EGFR: variants seen among roughly 807,000 people sequenced by gnomAD.
EGFR encodes the protein avian erythroblastic leukemia viral (v-erb-b) oncogene homolog.
A neutral mutation model predicts 143.0 loss-of-function variants in EGFR; 58 were observed. That is an observed-to-expected ratio of 0.41 (90% CI 0.33 to 0.50). The LOEUF is 0.50. Among genes scored for constraint, EGFR ranks in the 20% least tolerant of loss-of-function variants. EGFR has a pLI of 0.39. For synonymous variants in EGFR, 613 were observed against 594.4 expected (o/e 1.03, Z -0.45); for missense variants, 1,307 against 1,579.0 (o/e 0.83, Z 2.92).
At chr7:55,081,968 A>G (rs1463365685) in intron 1 of EGFR, among the ~76,000 whole-genome samples, 1 of 152,172 alleles carries the variant, frequency 6.6e-6, no homozygotes, top group Non-Finnish European at 1.5e-5. Context: ...CCTTTACGAT[A>G]TCACTCTGAT....
chr7:55,100,639 C>T (rs1017361114), intron 1 of EGFR, among the ~76,000 whole-genome samples: 64 of 152,338 alleles, frequency 4.2e-4, no homozygotes, highest in African/African-American at 1.4e-3. Context: ...GGGTGGAGCA[C>T]CGTGCTGGAG....
intron 15 of EGFR, 62 bp downstream of exon 15, chr7:55,165,499 G>A (rs1204648762): frequency 2.5e-5 from 39 of 1,558,064 alleles, no homozygotes; most frequent in Non-Finnish European, 3.3e-5. Context: ...GATCAAAAAT[G>A]TCTCCCAAGT....
intron 7 of EGFR, among the ~76,000 whole-genome samples, chr7:55,154,701 T>A (rs1280299752): frequency 1.3e-5 from 2 of 152,242 alleles, no homozygotes; most frequent in Non-Finnish European, 2.9e-5. Context: ...TGTTTGTACT[T>A]ACATTTGTAC....
chr7:55,072,524 T>C (rs1279231569), intron 1 of EGFR, among the ~76,000 whole-genome samples: 3 of 152,194 alleles, frequency 2.0e-5, no homozygotes, highest in Admixed American at 6.5e-5. Context: ...GTGTCAATCA[T>C]TGCTCTCATG....
chr7:55,183,486 T>C (rs541853879), intron 20 of EGFR, among the ~76,000 whole-genome samples: 1 of 152,328 alleles, frequency 6.6e-6, no homozygotes, highest in Non-Finnish European at 1.5e-5. Flanking sequence ...GGTCACATTC[T>C]GCAGTTTTGG....
intron 26 of EGFR, 74 bp from the exon 27 acceptor site, chr7:55,202,443 C>G: frequency 7.9e-7 from 1 of 1,269,138 alleles, no homozygotes; most frequent in South Asian, 1.3e-5. Flanking sequence ...TCAAGGAGAT[C>G]TCGGGTGATT....
intron 12 of EGFR, among the ~76,000 whole-genome samples, chr7:55,160,640 C>A (rs969050129): frequency 6.6e-6 from 1 of 152,242 alleles, no homozygotes; most frequent in Non-Finnish European, 1.5e-5. Flanking sequence ...ACTCTCTGCT[C>A]ATTTCAGCCT....
chr7:55,060,753 C>T (rs2128878718), intron 1 of EGFR, among the ~76,000 whole-genome samples: 1 of 152,220 alleles, frequency 6.6e-6, no homozygotes, highest in Non-Finnish European at 1.5e-5. Flanking sequence ...GATGCAGTTC[C>T]CTGTGAAAGG....
intron 1 of EGFR, among the ~76,000 whole-genome samples, chr7:55,120,508 G>A (rs553044137): frequency 4.6e-4 from 70 of 152,342 alleles, no homozygotes; most frequent in African/African-American, 1.7e-3. Context: ...TGAACCATCT[G>A]CAAAGCATCC....
intron 1 of EGFR, among the ~76,000 whole-genome samples, chr7:55,031,951 A>C (rs1787273974): frequency 6.6e-6 from 1 of 152,330 alleles, no homozygotes; most frequent in African/African-American, 2.4e-5. Context: ...AGGTAGCATG[A>C]GGTGGTGGTC....
intron 1 of EGFR, chr7:55,109,874 T>C: frequency 1.0e-6 from 1 of 985,582 alleles, no homozygotes; most frequent in Non-Finnish European, 1.2e-6. Flanking sequence ...GAGGGAGCTC[T>C]GGGCTGCTGG....
intron 16 of EGFR, 95 bp from the exon 17 acceptor site, chr7:55,172,888 G>A (rs752919809): frequency 5.0e-6 from 8 of 1,611,082 alleles, no homozygotes; most frequent in Non-Finnish European, 5.9e-6. Context: ...TCTACAAGAT[G>A]TCAGTGCACT....
intron 1 of EGFR, among the ~76,000 whole-genome samples, chr7:55,116,910 A>G (rs1051734604): frequency 1.3e-5 from 2 of 152,194 alleles, no homozygotes; most frequent in African/African-American, 2.4e-5. Flanking sequence ...CCGCCAATGG[A>G]CATATGGGTT....
intron 1 of EGFR, among the ~76,000 whole-genome samples, chr7:55,132,009 TC>T (rs1793870115): frequency 6.6e-6 from 1 of 151,278 alleles, no homozygotes; most frequent in Admixed American, 6.6e-5. Context: ...ATTGCTCTTT[TC>T]TTTCGATTTT....
intron 1 of EGFR, among the ~76,000 whole-genome samples, chr7:55,116,523 C>A (rs1449383171): frequency 8.2e-6 from 1 of 122,396 alleles, no homozygotes; most frequent in Non-Finnish European, 1.8e-5. Context: ...TAACTAAATT[C>A]AAAAAAAACA....
rs193072361 is a variant in EGFR at position 55,040,933 on chromosome 7, A to G, written c.88+21568A>G. 2.7e-3 allele frequency among the ~76,000 whole-genome samples: 411 copies of G among 152,370 alleles called. 2 individuals are homozygous for G. Among genetic ancestry groups the G allele is most frequent in the Non-Finnish European group, 2.7e-3 (184 of 68,032 alleles). Reference sequence around the variant, plus strand: ...TAAGAATAAAATTAGCTATGCAAGAAATAGTATGTGGAGTCCTATGTGGAA... The same window carrying G: ...TAAGAATAAAATTAGCTATGCAAGAGATAGTATGTGGAGTCCTATGTGGAA... On this transcript the variant is annotated intron_variant, in intron 1 of 27. Coordinates refer to ENST00000275493, the MANE Select transcript of EGFR (RefSeq NM_005228.5).
chr7:55,026,857 T>C, intron 1 of EGFR, among the ~76,000 whole-genome samples: 1 of 150,746 alleles, frequency 6.6e-6, no homozygotes, highest in Non-Finnish European at 1.5e-5. Flanking sequence ...AGAAAACCTC[T>C]CTTTAACTGC....
chr7:55,117,010 A>G (rs906255388), intron 1 of EGFR, among the ~76,000 whole-genome samples: 2 of 152,188 alleles, frequency 1.3e-5, no homozygotes, highest in African/African-American at 4.8e-5. Context: ...GGTACCTCAG[A>G]GTGGCGTTGC....
At chr7:55,174,944 A>G (rs1786533793) in intron 19 of EGFR, 124 bp downstream of exon 19, 6 of 781,594 alleles carry the variant, frequency 7.7e-6, no homozygotes, top group Non-Finnish European at 1.3e-5. Flanking sequence ...TTCACTTTCT[A>G]TGTCTTTCCC....
Sources: gnomAD v4.1 joint callset for allele counts (sites outside exome capture counted in the v4.1 genomes callset) on GRCh38, gnomAD v4.1.1 for gene constraint, MANE v1.5 for transcripts, NCBI Gene and HGNC (gene_info 2026-07-23, HGNC 2026-07-21) for gene names.